The following ZBTB38 variants were observed in gnomAD, a reference collection of about 807,000 sequenced individuals.
ZBTB38 encodes the protein zinc finger and BTB domain-containing protein 38.
Under a neutral mutation model 76.8 loss-of-function variants are expected in ZBTB38, and 20 were observed. The observed-to-expected ratio is 0.26, with a 90% CI of 0.18 to 0.38. The LOEUF is 0.38. Among genes scored for constraint, ZBTB38 ranks in the 10% least tolerant of loss-of-function variants. The pLI, the probability that ZBTB38 is intolerant of heterozygous loss-of-function variation, is 1.00. For missense variants in ZBTB38, 1,082 were observed against 1,482.3 expected (o/e 0.73, Z 4.43); for synonymous variants, 504 against 544.2 (o/e 0.93, Z 1.03).
intron 1 of ZBTB38, among the ~76,000 whole-genome samples, chr3:141,326,988 C>G (rs1942694224): frequency 6.6e-6 from 1 of 152,322 alleles, no homozygotes; most frequent in African/African-American, 2.4e-5. Context: ...GTCATTTTAC[C>G]TGCATTTTAA....
chr3:141,360,960 C>A (rs1943805392), intron 1 of ZBTB38, among the ~76,000 whole-genome samples: 1 of 152,134 alleles, frequency 6.6e-6, no homozygotes, highest in Non-Finnish European at 1.5e-5. Flanking sequence ...CCTAAAGCAC[C>A]AAATTCTCTG....
rs1947265654 is a variant in ZBTB38 at position 141,386,937 on chromosome 3, G to A, written c.-106G>A. ...AACATTAATCAGATACTGCATTTAA[G>A]GTGAGCTGTCCCTTGCCTCCTCCTT... On this transcript the variant is annotated splice_region_variant and 5_prime_UTR_variant, in exon 4 of 6. Coordinates refer to ENST00000321464, the MANE Select transcript of ZBTB38 (RefSeq NM_001376113.1). 1 of 152,690 alleles carries A rather than the reference G, an allele frequency of 6.5e-6. No homozygotes were observed. The highest frequency in any genetic ancestry group is 2.4e-5 in the African/African-American group (1 of 41,440). 9.5% of individuals were successfully genotyped at this position (152,690 alleles called of 1,614,324 possible).
chr3:141,403,727 C>T lies in ZBTB38; in HGVS notation c.-105-200C>T, dbSNP rs114976938. ...AGGTTCCGTGGTCCATTAGAGTCTC[C>T]GTTTCTATAGCTGTAAAATGGGGGA... On this transcript the variant is annotated intron_variant, in intron 4 of 5. Transcript: ENST00000321464. Among the ~76,000 whole-genome samples the T allele has an allele frequency of 4.6e-3, 708 of 152,282 alleles. 9 individuals carry two copies. The highest frequency in any genetic ancestry group is 0.016 in the African/African-American group (680 of 41,548).
intron 5 of ZBTB38, among the ~76,000 whole-genome samples, chr3:141,404,298 C>G (rs1953508431): frequency 6.6e-6 from 1 of 152,208 alleles, no homozygotes. Context: ...CATGTCTCTT[C>G]ACAGATCTCT....
At chr3:141,427,791 G>GACTGCATT (rs946027234) in intron 5 of ZBTB38, 19 of 152,400 alleles carry the variant, frequency 1.2e-4, no homozygotes, top group African/African-American at 4.1e-4. Context: ...AATCCCTGGG[G>GACTGCATT]ACTGCATTAT....
chr3:141,366,711 C>A (rs1050720035), upstream of ZBTB38: 27 of 152,118 alleles, frequency 1.8e-4, no homozygotes, highest in African/African-American at 6.3e-4. Context: ...GACCTGACAC[C>A]CCACCCACAG....
chr3:141,326,311 A>G (rs1942673921), intron 1 of ZBTB38, among the ~76,000 whole-genome samples: 1 of 152,202 alleles, frequency 6.6e-6, no homozygotes, highest in South Asian at 2.1e-4. Context: ...ATTGAATTTC[A>G]AAGTCCAGGC....
intron 4 of ZBTB38, chr3:141,389,555 T>C (rs1338014854): frequency 6.6e-6 from 1 of 151,134 alleles, no homozygotes; most frequent in South Asian, 2.1e-4. Flanking sequence ...GATTGTAAAC[T>C]GAAGGGAAAT....
At chr3:141,428,941 A>G (rs1016535255) in intron 5 of ZBTB38, among the ~76,000 whole-genome samples, 1 of 152,192 alleles carries the variant, frequency 6.6e-6, no homozygotes, top group Non-Finnish European at 1.5e-5. Flanking sequence ...ATTTATGGTG[A>G]CCATCCTCAT....
At chr3:141,427,255 T>C (rs984100554) in intron 5 of ZBTB38, among the ~76,000 whole-genome samples, 4 of 152,204 alleles carry the variant, frequency 2.6e-5, no homozygotes, top group African/African-American at 9.6e-5. Flanking sequence ...CTCATATAAT[T>C]TTTACTCTGT....
intron 4 of ZBTB38, among the ~76,000 whole-genome samples, chr3:141,395,513 T>C (rs1950158817): frequency 6.6e-6 from 1 of 152,164 alleles, no homozygotes; most frequent in African/African-American, 2.4e-5. Context: ...AAGACAAAAC[T>C]GAAGATACTT....
chr3:141,432,652 C>T (rs1390944237), intron 5 of ZBTB38, among the ~76,000 whole-genome samples: 1 of 152,090 alleles, frequency 6.6e-6, no homozygotes, highest in Admixed American at 6.6e-5. Context: ...TTTCAAGATT[C>T]GTTTTGCATT....
At chr3:141,412,407 G>A (rs916443375) in intron 5 of ZBTB38, among the ~76,000 whole-genome samples, 3 of 152,040 alleles carry the variant, frequency 2.0e-5, no homozygotes, top group South Asian at 4.1e-4. Flanking sequence ...TGAGGTCTAC[G>A]AGCATTTGTT....
intron 2 of ZBTB38, among the ~76,000 whole-genome samples, chr3:141,380,131 A>T (rs989582619): frequency 6.6e-6 from 1 of 152,248 alleles, no homozygotes; most frequent in African/African-American, 2.4e-5. Flanking sequence ...TGAGGCATTT[A>T]TGTAAATATG....
At chr3:141,363,412 G>A (rs1943873552) in intron 1 of ZBTB38, among the ~76,000 whole-genome samples, 2 of 152,148 alleles carry the variant, frequency 1.3e-5, no homozygotes, top group South Asian at 4.1e-4. Context: ...AAATCATATG[G>A]CAATGCAAGG....
intron 1 of ZBTB38, among the ~76,000 whole-genome samples, chr3:141,344,291 C>A (rs561471638): frequency 6.6e-6 from 1 of 152,092 alleles, no homozygotes; most frequent in South Asian, 2.1e-4. Context: ...GGGGAGAATC[C>A]CTTTCCCTAC....
chr3:141,425,514 C>T (rs952495033), intron 5 of ZBTB38, among the ~76,000 whole-genome samples: 1 of 152,212 alleles, frequency 6.6e-6, no homozygotes, highest in Non-Finnish European at 1.5e-5. Context: ...CATCTTTGTA[C>T]ATAGTGAGAA....
At chr3:141,385,466 G>A (rs932892535) in intron 3 of ZBTB38, among the ~76,000 whole-genome samples, 4 of 151,768 alleles carry the variant, frequency 2.6e-5, no homozygotes, top group South Asian at 2.1e-4. Context: ...TTTACCTGCC[G>A]GCAGGATCTG....
chr3:141,416,176 C>A (rs971035466), intron 5 of ZBTB38, among the ~76,000 whole-genome samples: 3 of 152,136 alleles, frequency 2.0e-5, no homozygotes, highest in Non-Finnish European at 4.4e-5. Flanking sequence ...CTGGAAACTA[C>A]TAGGGTGGTG....
Sources: gnomAD v4.1 joint callset for allele counts (sites outside exome capture counted in the v4.1 genomes callset) on GRCh38, gnomAD v4.1.1 for gene constraint, MANE v1.5 for transcripts, NCBI Gene and HGNC (gene_info 2026-07-23, HGNC 2026-07-21) for gene names.